USP39: variants seen among roughly 807,000 people sequenced by gnomAD.
USP39 encodes ubiquitin carboxyl-terminal hydrolase 39.
A neutral mutation model predicts 66.4 loss-of-function variants in USP39; 38 were observed. That is an observed-to-expected ratio of 0.57 (90% CI 0.44 to 0.75). The LOEUF (loss-of-function observed/expected upper bound fraction) is 0.75, where lower values mean the gene tolerates loss of function less well. Among genes scored for constraint, USP39 ranks in the 30% least tolerant of loss-of-function variants. The pLI is 0.00. For missense variants in USP39, 608 were observed against 714.4 expected (o/e 0.85, Z 1.70); for synonymous variants, 303 against 274.6 (o/e 1.10, Z -1.02).
Position 85,630,944 on chromosome 2 carries a change from A to C in USP39, c.947A>C (p.Gln316Pro). Residue 316 changes from glutamine (Q) to proline (P), a missense_variant and splice_region_variant, in exon 6 of 13, where the codon CAA (glutamine) becomes CCA (proline). Physicochemically the swap from Gln to Pro is moderately conservative, Grantham distance 76. Around this residue, in one of 6 missense-constraint regions of USP39, gnomAD observed 72 missense variants for 60.1 expected, o/e 1.20. Transcript: ENST00000323701. ...AAGAAGACTTTTCAGATCACCAAAC[A>C]AGGTAAGAACAAGTCATTCATGTTT... ...CSKKTFQITK[Q>P]GDGVDFLSWF... is the part of the protein sequence containing the mutation. 6.2e-7 allele frequency: 1 copy of C among 1,613,884 alleles called. No homozygotes were observed. Among genetic ancestry groups the C allele is most frequent in the Non-Finnish European group, 8.5e-7 (1 of 1,179,854 alleles).
intron 9 of USP39, 108 bp from the exon 10 acceptor site, chr2:85,640,867 AG>A: frequency 1.0e-6 from 1 of 960,568 alleles, no homozygotes; most frequent in Non-Finnish European, 1.5e-6. Flanking sequence ...TGTGAACTTA[AG>A]TGTGAGGCAA....
chr2:85,608,817 T>A, upstream of USP39: 1 of 1,223,574 alleles, frequency 8.2e-7, no homozygotes, highest in Non-Finnish European at 1.1e-6. Flanking sequence ...TGCAACACCC[T>A]ATGGATGCAG....
intron 4 of USP39, 65 bp downstream of exon 4, chr2:85,623,847 G>C: frequency 6.6e-7 from 1 of 1,514,160 alleles, no homozygotes; most frequent in South Asian, 1.3e-5. Flanking sequence ...GCTCCCAGGG[G>C]ACTGCCCCAC....
Position 85,619,218 on chromosome 2 carries a change from A to C in USP39, c.269-2A>C. The C allele has an allele frequency of 6.2e-7, 1 of 1,613,780 alleles. No homozygotes were observed. Among genetic ancestry groups the C allele is most frequent in the Non-Finnish European group, 8.5e-7 (1 of 1,179,940 alleles). On this transcript the variant is annotated splice_acceptor_variant, in intron 1 of 12. Transcript: ENST00000323701. LOFTEE classifies it high-confidence loss of function. ...CAAAGCCTGTGATGATTTTCCTTTC[A>C]GCAAAGAATGGCCGAGTGGATTCTG...
At chr2:85,640,615 A>AT (rs1274727476) in intron 9 of USP39, among the ~76,000 whole-genome samples, 1 of 141,254 alleles carries the variant, frequency 7.1e-6, no homozygotes, top group Non-Finnish European at 1.5e-5. Context: ...ATATATATAT[A>AT]TATATTTTTT....
intron 8 of USP39, among the ~76,000 whole-genome samples, chr2:85,638,327 T>A (rs1675948785): frequency 6.6e-6 from 1 of 151,522 alleles, no homozygotes; most frequent in Non-Finnish European, 1.5e-5. Context: ...CGGCCCACTT[T>A]CTTTTTTTAA....
chr2:85,624,716 C>T (rs1055707870), intron 4 of USP39, among the ~76,000 whole-genome samples: 1 of 152,082 alleles, frequency 6.6e-6, no homozygotes, highest in Admixed American at 6.6e-5. Flanking sequence ...GTAATCCCAG[C>T]ACTTTGGGAG....
chr2:85,648,738 G>A, intron 12 of USP39, 23 bp from the exon 13 acceptor site: 1 of 1,613,950 alleles, frequency 6.2e-7, no homozygotes, highest in Non-Finnish European at 8.5e-7. Flanking sequence ...CTAGACTTCA[G>A]TTTGTGTTTT....
At chr2:85,628,659 A>G (rs1352218958) in intron 5 of USP39, among the ~76,000 whole-genome samples, 6 of 152,282 alleles carry the variant, frequency 3.9e-5, no homozygotes, top group East Asian at 1.9e-4. Flanking sequence ...AGGATGACCA[A>G]TATTATTTAT....
At chr2:85,646,473 G>C (rs931332482) in intron 11 of USP39, among the ~76,000 whole-genome samples, 24 of 151,946 alleles carry the variant, frequency 1.6e-4, no homozygotes, top group Non-Finnish European at 3.2e-4. Flanking sequence ...CCTAGGCTCA[G>C]AGTTTCAGTA....
intron 1 of USP39, among the ~76,000 whole-genome samples, chr2:85,606,171 T>C (rs766636698): frequency 2.1e-4 from 32 of 152,202 alleles, no homozygotes; most frequent in Non-Finnish European, 4.3e-4. Context: ...ATTGTGTGTG[T>C]GTGCGCGTTT....
chr2:85,628,693 A>G (rs1187918529), intron 5 of USP39, among the ~76,000 whole-genome samples: 2 of 152,138 alleles, frequency 1.3e-5, no homozygotes, highest in African/African-American at 4.8e-5. Context: ...CCAGAGTGCA[A>G]CCTTTTCTCC....
chr2:85,625,472 T>G (rs111575369), intron 4 of USP39, 67 bp from the exon 5 acceptor site: 4 of 1,593,836 alleles, frequency 2.5e-6, no homozygotes, highest in African/African-American at 2.7e-5. Flanking sequence ...TTTGTAGAAA[T>G]TACTGTTACA....
At position 85,616,216 on chromosome 2, in the gene USP39, G is replaced by A. The variant is rs1673919024; in HGVS notation, c.21G>A (p.Arg7=). MSGRSK[R]ESRGSTRGKR... Reference sequence around the variant, plus strand: ...TGGAGATGTCCGGCCGGTCTAAGCGGGAGTCTCGCGGTTCCACTCGCGGGA... The same window carrying A: ...TGGAGATGTCCGGCCGGTCTAAGCGAGAGTCTCGCGGTTCCACTCGCGGGA... Residue 7 remains arginine, a synonymous_variant, in exon 1 of 13, where the codon CGG becomes CGA. Coordinates refer to ENST00000323701, the MANE Select transcript of USP39 (RefSeq NM_006590.4). 13 of 1,466,100 alleles carry A rather than the reference G, an allele frequency of 8.9e-6. No homozygotes were observed. Among genetic ancestry groups the A allele is most frequent in the Middle Eastern group, 2.0e-4 (1 of 4,944 alleles). The allele number at this position is 1,466,100 out of a possible 1,614,324, so 90.8% of individuals were successfully genotyped here.
At chr2:85,603,589 CTTTTTCTTTTTT>C (rs1470784941) in intron 1 of USP39, among the ~76,000 whole-genome samples, 4 of 150,590 alleles carry the variant, frequency 2.7e-5, no homozygotes, top group South Asian at 2.1e-4. Flanking sequence ...TTTACTTTTT[CTTTTTCTTTTTT>C]TTTTTTTTGA....
chr2:85,625,346 C>G (rs899078440), intron 4 of USP39, among the ~76,000 whole-genome samples, 193 bp from the exon 5 acceptor site: 6 of 152,094 alleles, frequency 3.9e-5, no homozygotes, highest in Non-Finnish European at 7.3e-5. Flanking sequence ...ACAGAGATCC[C>G]CTTGTAGATT....
chr2:85,615,931 G>A (rs969968356), upstream of USP39, among the ~76,000 whole-genome samples: 2 of 152,116 alleles, frequency 1.3e-5, no homozygotes, highest in African/African-American at 4.8e-5. Context: ...CGCCCGGCCT[G>A]ACAGCTTTTA....
At chr2:85,604,544 G>A (rs1221527311) in intron 1 of USP39, among the ~76,000 whole-genome samples, 1 of 152,178 alleles carries the variant, frequency 6.6e-6, no homozygotes, top group East Asian at 1.9e-4. Flanking sequence ...ATTAGGACAA[G>A]TAGTTAAAAC....
At chr2:85,612,470 C>T (rs1206956022), upstream of USP39, 16 of 1,191,628 alleles carry the variant, frequency 1.3e-5, no homozygotes, top group Non-Finnish European at 1.8e-5. Context: ...GAGCACCTAC[C>T]TCAAATGGAT....
Sources: allele counts gnomAD v4.1 joint callset (sites outside exome capture counted in the v4.1 genomes callset), GRCh38; gene constraint gnomAD v4.1.1; regional missense constraint gnomAD v4.1.1; transcripts MANE v1.5; gene names NCBI Gene and HGNC (gene_info 2026-07-23, HGNC 2026-07-21).